ATXN7: variants seen among roughly 807,000 people sequenced by gnomAD.
The protein encoded by ATXN7 is ataxin-7.
Under a neutral mutation model 70.5 loss-of-function variants are expected in ATXN7, and 12 were observed. That is an observed-to-expected ratio of 0.17 (90% CI 0.11 to 0.28). The LOEUF (loss-of-function observed/expected upper bound fraction) is 0.28, where lower values mean the gene tolerates loss of function less well. Ranked by LOEUF, ATXN7 falls within the 10% of genes least tolerant of loss-of-function variation. The pLI is 1.00. For synonymous variants in ATXN7, 498 were observed against 448.7 expected, an observed-to-expected ratio of 1.11 and a Z score of -1.39; for missense variants, 1,256 against 1,131.7, an observed-to-expected ratio of 1.11 and a Z score of -1.58.
At chr3:63,956,867 C>G (rs1309807942) in intron 5 of ATXN7, among the ~76,000 whole-genome samples, 1 of 152,178 alleles carries the variant, frequency 6.6e-6, no homozygotes, top group Non-Finnish European at 1.5e-5. Flanking sequence ...TGCCAGAGAA[C>G]TTTTAAGTAG....
rs1447915589 is a variant in ATXN7 at position 63,990,732 on chromosome 3, T to C, written c.1561-6T>C. The C allele has an allele frequency of 5.6e-6, 9 of 1,614,164 alleles. No individual in the cohort carries two copies. The South Asian group carries it at 9.9e-5, about 18-fold the overall frequency. ...AGCAAGCACGCGGCTATGTTTTCTCTTGCAGTTTTGCACATTTGGGAGCCG... is the reference window on the plus strand; with the variant it reads ...AGCAAGCACGCGGCTATGTTTTCTCCTGCAGTTTTGCACATTTGGGAGCCG... On this transcript the variant is annotated splice_region_variant and splice_polypyrimidine_tract_variant and intron_variant, in intron 10 of 12. Transcript: ENST00000674280.
rs2074581265 is a variant in ATXN7 at position 63,932,879 on chromosome 3, CAGAT to C, written c.395-19495_395-19492del. Among the ~76,000 whole-genome samples, 3 of 152,202 alleles carry C rather than the reference CAGAT, an allele frequency of 2.0e-5. No homozygotes were observed. In the South Asian group the frequency reaches 6.2e-4, roughly 32 times the overall value. ...ATAGGGAGATTGTTACATGTCATCA[CAGAT>C]AGATCTGTCTAATTTTATTCAACTA... On this transcript the variant is annotated intron_variant, in intron 4 of 12. Transcript: ENST00000674280.
chr3:63,933,878 C>G lies in ATXN7; in HGVS notation c.395-18501C>G, dbSNP rs189057405. Among the ~76,000 whole-genome samples the G allele has an allele frequency of 7.0e-3, 1,062 of 150,964 alleles. 30 individuals carry two copies. The highest frequency in any genetic ancestry group is 0.049 in the Admixed American group (750 of 15,206). On this transcript the variant is annotated intron_variant, in intron 4 of 12. Transcript: ENST00000674280. ...GTTGATGCTTCATAACTGTCGTTAC[C>G]TATTGGAGGGAGTGGCTAGTTGATT...
intron 4 of ATXN7, among the ~76,000 whole-genome samples, chr3:63,920,660 GTTC>G (rs149338061): frequency 0.024 from 3,675 of 151,928 alleles, 141 homozygotes; most frequent in African/African-American, 0.082. Context: ...GTATTTAGTT[GTTC>G]TTTTATAACA....
At chr3:63,958,980 A>G (rs2075079710) in intron 5 of ATXN7, among the ~76,000 whole-genome samples, 1 of 152,234 alleles carries the variant, frequency 6.6e-6, no homozygotes, top group African/African-American at 2.4e-5. Flanking sequence ...TTAGTGACAG[A>G]TGTTCTAGCT....
At chr3:63,869,498 A>G (rs1171441207) in intron 1 of ATXN7, among the ~76,000 whole-genome samples, 1 of 151,984 alleles carries the variant, frequency 6.6e-6, no homozygotes. Context: ...ATCTTGGCTC[A>G]CTGCAACTCC....
intron 4 of ATXN7, among the ~76,000 whole-genome samples, chr3:63,935,750 A>C (rs573209799): frequency 4.3e-4 from 65 of 151,174 alleles, no homozygotes; most frequent in South Asian, 3.3e-3. Context: ...TGATATTAGT[A>C]CCAACGTTTT....
chr3:63,880,770 G>A (rs1702883807), intron 1 of ATXN7, among the ~76,000 whole-genome samples: 1 of 151,964 alleles, frequency 6.6e-6, no homozygotes, highest in East Asian at 1.9e-4. Context: ...AAAACCCTGT[G>A]TATTCAGACA....
intron 4 of ATXN7, among the ~76,000 whole-genome samples, chr3:63,939,624 C>A (rs1282771224): frequency 6.6e-6 from 1 of 152,042 alleles, no homozygotes; most frequent in Non-Finnish European, 1.5e-5. Context: ...GCAAATTAAC[C>A]CCAAAGGCTT....
At chr3:63,979,279 C>T (rs2075444958) in intron 5 of ATXN7, among the ~76,000 whole-genome samples, 1 of 152,080 alleles carries the variant, frequency 6.6e-6, no homozygotes, top group Non-Finnish European at 1.5e-5. Flanking sequence ...GCGGTGTGAA[C>T]CGGAGCTATG....
chr3:63,870,126 A>G (rs1397377987), intron 1 of ATXN7, among the ~76,000 whole-genome samples: 1 of 152,256 alleles, frequency 6.6e-6, no homozygotes, highest in African/African-American at 2.4e-5. Context: ...CTGCCATGAT[A>G]GCAGGAAAAC....
intron 4 of ATXN7, among the ~76,000 whole-genome samples, chr3:63,937,010 A>G (rs777571850): frequency 6.6e-6 from 1 of 152,240 alleles, no homozygotes; most frequent in Non-Finnish European, 1.5e-5. Flanking sequence ...AACAAGCTCA[A>G]TGATAAGAAG....
chr3:63,873,388 C>T (rs1445069628), intron 1 of ATXN7, among the ~76,000 whole-genome samples: 2 of 152,126 alleles, frequency 1.3e-5, no homozygotes, highest in Non-Finnish European at 2.9e-5. Context: ...AGTAGACAGT[C>T]TTCTCAGGAT....
At chr3:63,937,056 C>G (rs114118000) in intron 4 of ATXN7, among the ~76,000 whole-genome samples, 3,559 of 152,290 alleles carry the variant, frequency 0.023, 78 homozygotes, top group African/African-American at 0.059. Flanking sequence ...CCTGCCTAGC[C>G]TAGTGTAATT....
intron 4 of ATXN7, among the ~76,000 whole-genome samples, chr3:63,928,744 C>T (rs1203774055): frequency 6.6e-6 from 1 of 152,210 alleles, no homozygotes; most frequent in East Asian, 1.9e-4. Flanking sequence ...CCTGATTTAT[C>T]AATTCAGCAG....
intron 2 of ATXN7, among the ~76,000 whole-genome samples, chr3:63,910,802 T>G (rs907597785): frequency 4.6e-5 from 7 of 152,178 alleles, no homozygotes; most frequent in Non-Finnish European, 1.0e-4. Context: ...TACAGACTTA[T>G]TTCTAAATCT....
chr3:63,952,587 C>A, intron 5 of ATXN7, 104 bp downstream of exon 5: 1 of 633,762 alleles, frequency 1.6e-6, no homozygotes, highest in Non-Finnish European at 2.5e-6. Context: ...TGTCCCTCCC[C>A]CACCAGGAAG....
intron 1 of ATXN7, chr3:63,865,327 A>G (rs1357171538): frequency 3.9e-5 from 6 of 152,236 alleles, no homozygotes; most frequent in Admixed American, 3.9e-4. Context: ...CTTTTGTCAC[A>G]AAGACAAAAA....
chr3:63,921,646 G>GT (rs1704516411), intron 4 of ATXN7, among the ~76,000 whole-genome samples: 1 of 152,158 alleles, frequency 6.6e-6, no homozygotes, highest in East Asian at 1.9e-4. Flanking sequence ...CATATGGCAA[G>GT]TTTGCAGAAG....
Sources: allele counts gnomAD v4.1 joint callset (sites outside exome capture counted in the v4.1 genomes callset), GRCh38; gene constraint gnomAD v4.1.1; transcripts MANE v1.5; gene names NCBI Gene and HGNC (gene_info 2026-07-23, HGNC 2026-07-21).